The following STK3 variants were observed in gnomAD, a reference collection of about 807,000 sequenced individuals.
The protein encoded by STK3 is serine/threonine-protein kinase 3.
In STK3, 41 loss-of-function variants were observed where a neutral mutation model predicts 58.0. That is an observed-to-expected ratio of 0.71 (90% CI 0.55 to 0.92). The LOEUF is 0.92. Among genes scored for constraint, STK3 ranks in the 40% least tolerant of loss-of-function variants. STK3 has a pLI of 0.00. For missense variants in STK3, 479 were observed against 602.7 expected, an observed-to-expected ratio of 0.79 and a Z score of 2.15; for synonymous variants, 170 against 191.0, an observed-to-expected ratio of 0.89 and a Z score of 0.91.
At chr8:98,834,048 T>C (rs1835652993) in intron 3 of STK3, among the ~76,000 whole-genome samples, 1 of 152,142 alleles carries the variant, frequency 6.6e-6, no homozygotes, top group Non-Finnish European at 1.5e-5. Flanking sequence ...GCAATCACAT[T>C]CTACTCCCCT....
intron 6 of STK3, among the ~76,000 whole-genome samples, chr8:98,658,475 C>T (rs894631130): frequency 6.6e-6 from 1 of 152,150 alleles, no homozygotes; most frequent in South Asian, 2.1e-4. Flanking sequence ...CAAAAGGCAA[C>T]CAACCCAAAC....
At chr8:98,919,789 C>T (rs1405579489) in intron 1 of STK3, among the ~76,000 whole-genome samples, 1 of 150,912 alleles carries the variant, frequency 6.6e-6, no homozygotes, top group East Asian at 1.9e-4. Flanking sequence ...GATAAAAAAG[C>T]TAAGAAAAGT....
chr8:98,614,202 C>G (rs1429875811), intron 6 of STK3, among the ~76,000 whole-genome samples: 1 of 152,034 alleles, frequency 6.6e-6, no homozygotes, highest in Non-Finnish European at 1.5e-5. Flanking sequence ...TAGAATACCC[C>G]ACCTCAACAA....
At chr8:98,465,903 A>G (rs1323819847) in intron 10 of STK3, among the ~76,000 whole-genome samples, 1 of 152,192 alleles carries the variant, frequency 6.6e-6, no homozygotes, top group Non-Finnish European at 1.5e-5. Context: ...GTTTCTGGTA[A>G]GTAGCTTTGC....
chr8:98,782,426 G>A (rs1263724839), intron 1 of STK3: 4 of 254,926 alleles, frequency 1.6e-5, no homozygotes, highest in Non-Finnish European at 3.2e-5. Context: ...AGGTAAAGGG[G>A]AGTGTGTTCA....
intron 3 of STK3, among the ~76,000 whole-genome samples, chr8:98,412,114 A>G (rs1225124617): frequency 2.0e-5 from 3 of 152,220 alleles, no homozygotes; most frequent in African/African-American, 7.2e-5. Context: ...TATCCAAGCT[A>G]GCTTCTATTG....
intron 9 of STK3, among the ~76,000 whole-genome samples, chr8:98,530,772 C>T (rs1826113374): frequency 6.6e-6 from 1 of 152,238 alleles, no homozygotes; most frequent in African/African-American, 2.4e-5. Context: ...TCAAACTCTA[C>T]CACTGCTTTA....
At chr8:98,691,114 T>A (rs554261771) in intron 6 of STK3, among the ~76,000 whole-genome samples, 1 of 152,312 alleles carries the variant, frequency 6.6e-6, no homozygotes, top group East Asian at 1.9e-4. Flanking sequence ...GGATACTATG[T>A]TCACTATCTG....
At position 98,893,478 on chromosome 8, in the gene STK3, GAAAGAAAGAGAAAGAAAGAA is replaced by G. The variant is rs1233651134; in HGVS notation, c.-78-9664_-78-9645del. 5.2e-3 allele frequency among the ~76,000 whole-genome samples: 340 copies of G among 65,034 alleles called. 1 individual carries two copies. The highest frequency in any genetic ancestry group is 0.016 in the East Asian group (35 of 2,252). 42.7% of individuals were successfully genotyped at this position (65,034 alleles called of 152,430 possible). A position where few individuals can be genotyped will look rare whatever the true frequency, so the allele number is the denominator to read the frequency against. On this transcript the variant is annotated intron_variant, in intron 1 of 1. Transcript: ENST00000519420. ...AGAAAGAAAGAAAGAAAGAAAGAAAGAAAGAAAGAGAAAGAAAGAAAGAAAGAAAGAAAGAAAGAAAGAAA... is the reference window on the plus strand; with the variant it reads ...AGAAAGAAAGAAAGAAAGAAAGAAAGAGAAAGAAAGAAAGAAAGAAAGAAA...
chr8:98,764,942 G>T (rs1006816143), intron 3 of STK3, among the ~76,000 whole-genome samples: 1 of 152,174 alleles, frequency 6.6e-6, no homozygotes, highest in Non-Finnish European at 1.5e-5. Flanking sequence ...AACAGGGAAT[G>T]CTTGATTACA....
chr8:98,818,538 A>ATGTG (rs72513007), intron 1 of STK3, among the ~76,000 whole-genome samples: 3,262 of 145,374 alleles, frequency 0.022, 45 homozygotes, highest in African/African-American at 0.042. Flanking sequence ...TAAATTATAA[A>ATGTG]TGTGTGTGTG....
intron 9 of STK3, among the ~76,000 whole-genome samples, chr8:98,532,506 T>C (rs1274420149): frequency 4.6e-5 from 7 of 152,170 alleles, no homozygotes; most frequent in Admixed American, 4.6e-4. Flanking sequence ...GTTTGAAATA[T>C]TGTGAAAAGT....
chr8:98,397,083 G>A (rs1416877770), downstream of STK3, among the ~76,000 whole-genome samples: 1 of 152,168 alleles, frequency 6.6e-6, no homozygotes, highest in East Asian at 1.9e-4. Context: ...TTTAACCAGA[G>A]TGCAACAGAA....
At chr8:98,422,573 G>T (rs1818185616) in intron 3 of STK3, among the ~76,000 whole-genome samples, 1 of 152,222 alleles carries the variant, frequency 6.6e-6, no homozygotes, top group Admixed American at 6.5e-5. Context: ...ATCTCAAATT[G>T]TTTCCAAGGT....
chr8:98,487,452 A>G (rs912649700), intron 10 of STK3, among the ~76,000 whole-genome samples: 3 of 152,210 alleles, frequency 2.0e-5, no homozygotes, highest in Non-Finnish European at 2.9e-5. Context: ...AAACCTAAAT[A>G]GCTAATTCAA....
intron 7 of STK3, among the ~76,000 whole-genome samples, chr8:98,586,105 T>C (rs1189232419): frequency 3.9e-5 from 6 of 152,220 alleles, no homozygotes; most frequent in African/African-American, 1.4e-4. Context: ...TCCTGCCTGA[T>C]TGCCCTGGCC....
intron 4 of STK3, among the ~76,000 whole-genome samples, chr8:98,711,607 A>C (rs1000741846): frequency 6.6e-6 from 1 of 152,226 alleles, no homozygotes; most frequent in Admixed American, 6.5e-5. Flanking sequence ...AGAAATGAAC[A>C]AAGCCTCCAA....
intron 1 of STK3, among the ~76,000 whole-genome samples, chr8:98,816,685 C>T (rs1396198263): frequency 2.6e-5 from 4 of 152,072 alleles, no homozygotes; most frequent in Non-Finnish European, 5.9e-5. Flanking sequence ...AGGTGCCTGC[C>T]ACCATGCCTA....
intron 1 of STK3, among the ~76,000 whole-genome samples, chr8:98,440,368 G>T (rs1440118105): frequency 6.6e-6 from 1 of 152,148 alleles, no homozygotes; most frequent in Non-Finnish European, 1.5e-5. Flanking sequence ...TAAAATAGCA[G>T]AAAATTTACT....
Sources: allele counts gnomAD v4.1 joint callset (sites outside exome capture counted in the v4.1 genomes callset), GRCh38; gene constraint gnomAD v4.1.1; transcripts MANE v1.5; gene names NCBI Gene and HGNC (gene_info 2026-07-23, HGNC 2026-07-21).